Variants in SYTL2 observed in about 807,000 individuals in gnomAD.
The protein encoded by SYTL2 is synaptotagmin-like protein 2.
SYTL2 carries 165 observed loss-of-function variants against 198.7 expected under a neutral mutation model. The ratio of observed to expected loss-of-function variants is 0.83; its 90% CI spans 0.73 to 0.94. The LOEUF (loss-of-function observed/expected upper bound fraction) is 0.94, where lower values mean the gene tolerates loss of function less well. Among genes scored for constraint, SYTL2 ranks in the 40% least tolerant of loss-of-function variants. The pLI, the probability that SYTL2 is intolerant of heterozygous loss-of-function variation, is 0.00. For missense variants in SYTL2, 2,835 were observed against 2,582.8 expected, an observed-to-expected ratio of 1.10 and a Z score of -2.12; for synonymous variants, 966 against 917.7, an observed-to-expected ratio of 1.05 and a Z score of -0.95.
intron 3 of SYTL2, among the ~76,000 whole-genome samples, chr11:85,747,253 G>A (rs575259546): frequency 2.0e-5 from 3 of 150,782 alleles, no homozygotes; most frequent in Non-Finnish European, 2.9e-5. Flanking sequence ...CCAGTAGTTC[G>A]AGACCAGCCT....
rs766875132 is a variant in SYTL2, at chr11:85,724,502, G to A, written c.4856C>T (p.Ser1619Phe). 1.2e-5 allele frequency: 20 copies of A among 1,613,762 alleles called. No homozygotes were observed. In the Admixed American group the frequency reaches 3.3e-4, roughly 27 times the overall value. The change falls in exon 8 of 20, where the codon TCT becomes TTT. Residue 1619 changes from serine (S) to phenylalanine (F), a missense_variant. Physicochemically the swap from Ser to Phe is radical, Grantham distance 155. Transcript: ENST00000359152. Reference protein sequence around the residue: ...PHFYRAASQTSEMKDKSNGLE... With the variant: ...PHFYRAASQTFEMKDKSNGLE... ...ACCATTACTTTTATCCTTCATTTCA[G>A]AGGTCTGTGAGGCTGCCCTGTAAAA...
At position 85,714,456 on chromosome 11, in the gene SYTL2, A is replaced by G; in HGVS notation, c.5582T>C (p.Leu1861Pro). ...PDNPFSHPDK[L>P]KRMSKSVPAF... Reference sequence around the variant, plus strand: ...TGGAACAGACTTGCTCATCCTTTTGAGTTTGTCAGGGTGAGAAAATGGATT... The same window carrying G: ...TGGAACAGACTTGCTCATCCTTTTGGGTTTGTCAGGGTGAGAAAATGGATT... The change falls in exon 12 of 20, where the codon CTC becomes CCC. Residue 1861 changes from leucine to proline, a missense_variant. By Grantham distance (98) the Leu-to-Pro change is moderately conservative. Coordinates refer to ENST00000359152, the MANE Select transcript of SYTL2 (RefSeq NM_206927.4). The G allele has an allele frequency of 1.9e-6, 3 of 1,613,852 alleles. No homozygotes were observed. The highest frequency in any genetic ancestry group is 2.5e-6 in the Non-Finnish European group (3 of 1,179,762).
In SYTL2 at chr11:85,771,184, A is replaced by G. The variant is rs1331998625; in HGVS notation, c.-389-13070T>C. ...GTGGAAAAAAACATAAATAGTTACC[A>G]AAGTGTTGAGAGCATCTCTCGAGAC... On this transcript the variant is annotated intron_variant, in intron 1 of 19. Transcript: ENST00000359152. Among the ~76,000 whole-genome samples the G allele has an allele frequency of 3.9e-5, 6 of 152,214 alleles. No individual in the cohort carries two copies. In the East Asian group the frequency reaches 1.2e-3, roughly 29 times the overall value.
chr11:85,735,906 T>G (rs1192403254), intron 6 of SYTL2, among the ~76,000 whole-genome samples: 3 of 152,244 alleles, frequency 2.0e-5, no homozygotes, highest in African/African-American at 7.2e-5. Flanking sequence ...CCACTGTTTT[T>G]TAATTTTCTA....
chr11:85,807,383 C>A (rs1003173574), intron 1 of SYTL2, among the ~76,000 whole-genome samples: 4 of 152,212 alleles, frequency 2.6e-5, no homozygotes, highest in African/African-American at 9.7e-5. Context: ...TTTATTGCCT[C>A]TATGTTTAAA....
chr11:85,703,953 C>A (rs1391692437), intron 16 of SYTL2, among the ~76,000 whole-genome samples: 1 of 151,810 alleles, frequency 6.6e-6, no homozygotes, highest in Non-Finnish European at 1.5e-5. Context: ...CTATGACTGA[C>A]ATATTAAGAG....
At chr11:85,718,992 TCTCTTTAGATTAG>T in intron 9 of SYTL2, 149 bp from the exon 10 acceptor site, 2 of 1,532,330 alleles carry the variant, frequency 1.3e-6, no homozygotes, top group Non-Finnish European at 1.7e-6. Flanking sequence ...CAAAATACTT[TCTCTTTAGATTAG>T]CTCCTTGAGC....
At chr11:85,736,079 G>T (rs990566186) in intron 6 of SYTL2, among the ~76,000 whole-genome samples, 1 of 152,222 alleles carries the variant, frequency 6.6e-6, no homozygotes, top group African/African-American at 2.4e-5. Flanking sequence ...CTTTTGGGCG[G>T]CTGGGCTGAG....
At chr11:85,805,214 A>T (rs1229197295) in intron 1 of SYTL2, among the ~76,000 whole-genome samples, 1 of 151,626 alleles carries the variant, frequency 6.6e-6, no homozygotes, top group Non-Finnish European at 1.5e-5. Flanking sequence ...AAAAGGGCCG[A>T]GTGTGGTGGC....
the SYTL2 span, among the ~76,000 whole-genome samples, chr11:85,823,686 C>T: frequency 6.6e-6 from 1 of 152,088 alleles, no homozygotes; most frequent in East Asian, 1.9e-4. Context: ...CTGGAAATTG[C>T]CAAAATTATA....
chr11:85,833,094 AGAAAGAAGGAAG>A, the SYTL2 span, among the ~76,000 whole-genome samples: 9 of 34,400 alleles, frequency 2.6e-4, no homozygotes, highest in East Asian at 2.9e-3. Flanking sequence ...AAAGAAAGAA[AGAAAGAAGGAAG>A]GAAGGAAGGA....
intron 2 of SYTL2, among the ~76,000 whole-genome samples, chr11:85,755,783 G>A (rs1167487322): frequency 6.6e-6 from 1 of 152,156 alleles, no homozygotes; most frequent in African/African-American, 2.4e-5. Context: ...AGGGAGGGAG[G>A]AAATGAAAGG....
the SYTL2 span, among the ~76,000 whole-genome samples, chr11:85,830,367 C>G: frequency 6.6e-6 from 1 of 152,298 alleles, no homozygotes; most frequent in East Asian, 1.9e-4. Flanking sequence ...GTGAAGGACT[C>G]CTTCAGAGTT....
intron 8 of SYTL2, among the ~76,000 whole-genome samples, chr11:85,723,695 A>C (rs960634786): frequency 6.6e-6 from 1 of 152,216 alleles, no homozygotes; most frequent in Non-Finnish European, 1.5e-5. Flanking sequence ...AGGTAGATTA[A>C]AGAGAAGTCA....
At chr11:85,800,701 A>T (rs2153646735) in intron 1 of SYTL2, among the ~76,000 whole-genome samples, 1 of 152,276 alleles carries the variant, frequency 6.6e-6, no homozygotes, top group African/African-American at 2.4e-5. Context: ...GGAAAAAAAC[A>T]AACACATCCA....
intron 16 of SYTL2, among the ~76,000 whole-genome samples, chr11:85,703,136 T>C (rs1265289022): frequency 1.3e-5 from 2 of 152,018 alleles, no homozygotes; most frequent in African/African-American, 2.4e-5. Context: ...AAGAGACATG[T>C]TGGACAGAAT....
the SYTL2 span, among the ~76,000 whole-genome samples, chr11:85,818,727 A>G: frequency 2.0e-5 from 3 of 151,900 alleles, no homozygotes; most frequent in Admixed American, 2.0e-4. Context: ...GTCTCGCTCT[A>G]TCACCCAGAC....
chr11:85,700,954 T>G (rs867341340), intron 16 of SYTL2, among the ~76,000 whole-genome samples: 1 of 152,168 alleles, frequency 6.6e-6, no homozygotes, highest in South Asian at 2.1e-4. Context: ...TATAAAACAA[T>G]TTATTTGTAT....
At chr11:85,768,772 T>C (rs2092296720) in intron 1 of SYTL2, among the ~76,000 whole-genome samples, 1 of 152,170 alleles carries the variant, frequency 6.6e-6, no homozygotes, top group African/African-American at 2.4e-5. Context: ...AAATTTGAGA[T>C]GGGGTATTGG....
Sources: allele counts gnomAD v4.1 joint callset (sites outside exome capture counted in the v4.1 genomes callset), GRCh38; gene constraint gnomAD v4.1.1; transcripts MANE v1.5; gene names NCBI Gene and HGNC (gene_info 2026-07-23, HGNC 2026-07-21).